Variants in CEP85L observed in about 807,000 individuals in gnomAD.
The protein encoded by CEP85L is centrosomal protein 85L, also known as centrosomal protein of 85 kDa-like.
A neutral mutation model predicts 100.3 loss-of-function variants in CEP85L; 60 were observed. The observed-to-expected ratio is 0.60, with a 90% CI of 0.49 to 0.74. The LOEUF is 0.74. Ranked by LOEUF, CEP85L falls within the 30% of genes least tolerant of loss-of-function variation. CEP85L has a pLI of 0.00. For synonymous variants in CEP85L, 319 were observed against 322.7 expected (o/e 0.99, Z 0.12); for missense variants, 973 against 936.2 (o/e 1.04, Z -0.51).
chr6:118,560,881 C>A (rs1038011247), intron 3 of CEP85L, among the ~76,000 whole-genome samples: 1 of 152,158 alleles, frequency 6.6e-6, no homozygotes, highest in African/African-American at 2.4e-5. Flanking sequence ...TACACCTATA[C>A]TGCATAATCC....
chr6:118,487,321 G>A (rs182136633), intron 6 of CEP85L, among the ~76,000 whole-genome samples: 2 of 152,230 alleles, frequency 1.3e-5, no homozygotes, highest in East Asian at 3.9e-4. Flanking sequence ...ATATAATTAG[G>A]CAATGTGTCT....
At chr6:118,517,101 T>G (rs1198118189) in intron 4 of CEP85L, among the ~76,000 whole-genome samples, 1 of 152,196 alleles carries the variant, frequency 6.6e-6, no homozygotes, top group East Asian at 1.9e-4. Context: ...GTTCCATTCG[T>G]CTATCTGTCT....
upstream of CEP85L, among the ~76,000 whole-genome samples, chr6:118,652,069 G>C (rs1215775475): frequency 1.3e-5 from 2 of 152,186 alleles, no homozygotes; most frequent in Non-Finnish European, 2.9e-5. Flanking sequence ...GGGCAGAAAA[G>C]GGGTGGTTTT....
chr6:118,472,585 C>T (rs992520895), intron 10 of CEP85L, among the ~76,000 whole-genome samples: 4 of 152,032 alleles, frequency 2.6e-5, no homozygotes, highest in East Asian at 3.8e-4. Flanking sequence ...GAATACTGTG[C>T]GTTATTTTAT....
rs182683319 is a variant in CEP85L at position 118,598,626 on chromosome 6, G to A, written c.233-32310C>T. ...TACTAAGGACTGCCAGTAAGCACCCGAAGCTAGAAAAGGCAAGGAAGAATT... is the reference window on the plus strand; with the variant it reads ...TACTAAGGACTGCCAGTAAGCACCCAAAGCTAGAAAAGGCAAGGAAGAATT... On this transcript the variant is annotated intron_variant, in intron 2 of 12. Coordinates refer to ENST00000368491, the MANE Select transcript of CEP85L (RefSeq NM_001042475.3). 2.0e-4 allele frequency among the ~76,000 whole-genome samples: 30 copies of A among 152,302 alleles called. No homozygotes were observed. The East Asian group carries it at 5.2e-3, about 26-fold the overall frequency.
At chr6:118,696,593 A>G in intron 1 of CEP85L, among the ~76,000 whole-genome samples, 1 of 152,218 alleles carries the variant, frequency 6.6e-6, no homozygotes, top group Non-Finnish European at 1.5e-5. Flanking sequence ...CCGTTGAGTG[A>G]GCCCCAGGAT....
At chr6:118,476,771 T>C (rs1773414100) in intron 10 of CEP85L, among the ~76,000 whole-genome samples, 1 of 152,208 alleles carries the variant, frequency 6.6e-6, no homozygotes, top group Non-Finnish European at 1.5e-5. Flanking sequence ...TCCTCTAACG[T>C]ATTATTCTAT....
intron 3 of CEP85L, among the ~76,000 whole-genome samples, chr6:118,525,039 C>A (rs1489372969): frequency 6.6e-6 from 1 of 152,138 alleles, no homozygotes; most frequent in Non-Finnish European, 1.5e-5. Flanking sequence ...TCCTTTTCAC[C>A]CAATAAATTC....
chr6:118,627,636 A>G (rs1303889059), intron 2 of CEP85L, among the ~76,000 whole-genome samples: 2 of 152,252 alleles, frequency 1.3e-5, no homozygotes, highest in Non-Finnish European at 2.9e-5. Flanking sequence ...ACCCCGTCAT[A>G]GGGAGACTAC....
intron 1 of CEP85L, among the ~76,000 whole-genome samples, chr6:118,680,317 T>G (rs1225450365): frequency 6.7e-6 from 1 of 149,622 alleles, no homozygotes; most frequent in African/African-American, 2.5e-5. Flanking sequence ...TTTTTTTTTT[T>G]TTTTTTTTTT....
intron 2 of CEP85L, among the ~76,000 whole-genome samples, chr6:118,567,249 G>GTGTA (rs1173790079): frequency 2.3e-4 from 10 of 43,776 alleles, no homozygotes; most frequent in East Asian, 2.1e-3. Flanking sequence ...GTGTGTGTGT[G>GTGTA]TATATATATA....
At chr6:118,660,778 G>A (rs182575198) in intron 1 of CEP85L, among the ~76,000 whole-genome samples, 81 of 152,108 alleles carry the variant, frequency 5.3e-4, no homozygotes, top group African/African-American at 1.9e-3. Context: ...GTCTGTAATT[G>A]CCTCATTAAC....
At chr6:118,585,166 G>C (rs1282331898) in intron 2 of CEP85L, among the ~76,000 whole-genome samples, 1 of 152,238 alleles carries the variant, frequency 6.6e-6, no homozygotes, top group South Asian at 2.1e-4. Flanking sequence ...TCAATTAGCT[G>C]AGCTAATCGC....
chr6:118,501,197 A>G (rs534932094), intron 5 of CEP85L, among the ~76,000 whole-genome samples: 2 of 152,318 alleles, frequency 1.3e-5, no homozygotes, highest in South Asian at 2.1e-4. Flanking sequence ...CTCTTTGTAG[A>G]GGTGCTTCTC....
rs747796418 is a variant in CEP85L at position 118,480,470 on chromosome 6, G to A, written c.1789C>T (p.Leu597Phe). Residue 597 changes from leucine (L) to phenylalanine (F), a missense_variant, in exon 9 of 13, where the codon CTT becomes TTT. This residue lies in a region of CEP85L where 890 missense variants were observed against 844.5 expected (regional missense o/e 1.05). Transcript: ENST00000368491. ...VERCLEDGIR[L>F]PMLDAKQLQN... is the part of the protein sequence containing the mutation. ...AGCTGTTTTGCATCTAACATGGGAA[G>A]GCGGATTCCATCTTCAAGGCATCTT... 1.9e-6 allele frequency: 3 copies of A among 1,611,518 alleles called. No individual in the cohort carries two copies. The highest frequency in any genetic ancestry group is 2.2e-5 in the East Asian group (1 of 44,766).
chr6:118,494,322 G>A (rs1774782123), intron 5 of CEP85L, among the ~76,000 whole-genome samples: 1 of 152,160 alleles, frequency 6.6e-6, no homozygotes, highest in Non-Finnish European at 1.5e-5. Context: ...TCCTGTTTCT[G>A]GCAGGGGGAG....
At chr6:118,494,950 C>T (rs143554084) in intron 5 of CEP85L, among the ~76,000 whole-genome samples, 204 of 151,852 alleles carry the variant, frequency 1.3e-3, no homozygotes, top group African/African-American at 4.5e-3. Flanking sequence ...ATACAGATAA[C>T]GTAAGTGTAG....
intron 3 of CEP85L, among the ~76,000 whole-genome samples, chr6:118,538,828 T>C (rs938752517): frequency 1.3e-5 from 2 of 152,122 alleles, no homozygotes; most frequent in African/African-American, 4.8e-5. Flanking sequence ...GTTGCTATAA[T>C]TTACTTTTTA....
At chr6:118,594,993 C>T (rs6918284) in intron 2 of CEP85L, among the ~76,000 whole-genome samples, 3 of 151,964 alleles carry the variant, frequency 2.0e-5, no homozygotes, top group Admixed American at 6.6e-5. Context: ...AGGTTACGAG[C>T]CAAGCCTAAG....
Sources: gnomAD v4.1 joint callset for allele counts (sites outside exome capture counted in the v4.1 genomes callset) on GRCh38, gnomAD v4.1.1 for gene constraint, gnomAD v4.1.1 regional missense constraint, MANE v1.5 for transcripts, NCBI Gene and HGNC (gene_info 2026-07-23, HGNC 2026-07-21) for gene names.